The following HINFP variants were observed in gnomAD, a reference collection of about 807,000 sequenced individuals.
HINFP encodes the protein MBD2 (methyl-CpG-binding protein)-interacting zinc finger protein.
A neutral mutation model predicts 50.1 loss-of-function variants in HINFP; 20 were observed. The observed-to-expected ratio is 0.40, with a 90% CI of 0.28 to 0.58. The LOEUF (loss-of-function observed/expected upper bound fraction) is 0.58, where lower values mean the gene tolerates loss of function less well. Ranked by LOEUF, HINFP falls within the 20% of genes least tolerant of loss-of-function variation. The probability of loss-of-function intolerance (pLI) is 0.45; values close to 1 mark genes in which losing one functional copy is unlikely to be tolerated. For missense variants in HINFP, 505 were observed against 664.1 expected (o/e 0.76, Z 2.63); for synonymous variants, 247 against 243.7 (o/e 1.01, Z -0.13).
chr11:119,123,009 G>A (rs1396845485), intron 1 of HINFP, among the ~76,000 whole-genome samples: 3 of 149,776 alleles, frequency 2.0e-5, no homozygotes, highest in African/African-American at 4.9e-5. Flanking sequence ...TATAGTCCCA[G>A]CTATAATACT....
intron 5 of HINFP, 157 bp from the exon 6 acceptor site, chr11:119,132,339 C>A: frequency 2.9e-6 from 2 of 685,248 alleles, no homozygotes; most frequent in Non-Finnish European, 4.9e-6. Flanking sequence ...TTCTCTAAGT[C>A]CCATGCTCTT....
At chr11:119,132,220 G>A in intron 5 of HINFP, 1 of 618,062 alleles carries the variant, frequency 1.6e-6, no homozygotes, top group South Asian at 2.0e-5. Context: ...CATGAGGTAG[G>A]CTTCTTATCC....
chr11:119,130,578 G>A (rs1947695668), intron 2 of HINFP, 147 bp from the exon 3 acceptor site: 1 of 644,886 alleles, frequency 1.6e-6, no homozygotes, highest in Non-Finnish European at 2.7e-6. Flanking sequence ...TTAAATACTG[G>A]TATTTGCTAA....
intron 7 of HINFP, 27 bp downstream of exon 7, chr11:119,132,808 A>T (rs1417358716): frequency 6.2e-7 from 1 of 1,613,830 alleles, no homozygotes; most frequent in Non-Finnish European, 8.5e-7. Flanking sequence ...ACCAGAAAAC[A>T]GCTCATGTTC....
chr11:119,132,642 T>G lies in HINFP; in HGVS notation c.755-19T>G. On this transcript the variant is annotated intron_variant, in intron 6 of 9. Transcript: ENST00000350777. Reference sequence around the variant, plus strand: ...TTCCACAAGTTCTCACATCACAGCCTCCTCTCTGCTTCTCTCAGTGAATCA... The same window carrying G: ...TTCCACAAGTTCTCACATCACAGCCGCCTCTCTGCTTCTCTCAGTGAATCA... 6.2e-7 allele frequency: 1 copy of G among 1,614,038 alleles called. No homozygotes were observed. Among genetic ancestry groups the G allele is most frequent in the Non-Finnish European group, 8.5e-7 (1 of 1,180,002 alleles).
In HINFP at chr11:119,131,221, T is replaced by C; in HGVS notation, c.411+267T>C. 1.6e-6 allele frequency: 1 copy of C among 637,556 alleles called. No individual in the cohort carries two copies. The highest frequency in any genetic ancestry group is 1.6e-5 in the South Asian group (1 of 63,416). 39.5% of individuals were successfully genotyped at this position (637,556 alleles called of 1,614,324 possible). ...CTCCCACCTCAGCCTCCCAAGTAGC[T>C]AGGACTACAGGCATGTACCACCATG... On this transcript the variant is annotated intron_variant, in intron 3 of 9. Transcript: ENST00000350777. The surrounding 1 kb of genome is among the most constrained non-coding windows in gnomAD (Gnocchi z 4.2).
intron 2 of HINFP, chr11:119,127,353 T>C: frequency 2.6e-6 from 1 of 391,368 alleles, no homozygotes; most frequent in Non-Finnish European, 4.6e-6. Context: ...CTGACAGTAC[T>C]TTAGTGAACA....
intron 2 of HINFP, among the ~76,000 whole-genome samples, chr11:119,128,562 A>C (rs887992272): frequency 6.6e-6 from 1 of 150,586 alleles, no homozygotes; most frequent in African/African-American, 2.4e-5. Flanking sequence ...TCCTGACCTC[A>C]GGTGATCCGC....
At position 119,127,206 on chromosome 11, in the gene HINFP, C is replaced by T. The variant is rs956599263; in HGVS notation, c.181+81C>T. 9.3e-6 allele frequency: 11 copies of T among 1,181,452 alleles called. No homozygotes were observed. The Admixed American group carries it at 9.4e-5, about 10-fold the overall frequency. 73.2% of individuals were successfully genotyped at this position (1,181,452 alleles called of 1,614,324 possible). On this transcript the variant is annotated intron_variant, in intron 2 of 9. Transcript: ENST00000350777. ...CTTTCTTTTCCTTAGAGGGAGAAGG[C>T]GGCCTAAGAGAATGGTGGTTTATTT...
In HINFP at chr11:119,133,912, T is replaced by A. The variant is rs1271378311; in HGVS notation, c.1140-172T>A. On this transcript the variant is annotated intron_variant, in intron 9 of 9. Transcript: ENST00000350777. ...TCCATTTTGAGTAATGATCTTTCCC[T>A]CTTGCCTTTTCTTCTACATATTCCA... 5.1e-6 allele frequency: 4 copies of A among 781,646 alleles called. No individual in the cohort carries two copies. In the African/African-American group the frequency reaches 7.0e-5, roughly 14 times the overall value. 48.4% of individuals were successfully genotyped at this position (781,646 alleles called of 1,614,324 possible).
At chr11:119,132,428 C>T in intron 5 of HINFP, 68 bp from the exon 6 acceptor site, 3 of 1,530,872 alleles carry the variant, frequency 2.0e-6, no homozygotes, top group Admixed American at 1.7e-5. Context: ...TGGGATGGTT[C>T]CCCTCTCCTT....
At chr11:119,125,566 A>G (rs1384440058) in intron 1 of HINFP, 1 of 152,170 alleles carries the variant, frequency 6.6e-6, no homozygotes, top group Non-Finnish European at 1.5e-5. Flanking sequence ...GGTCCCAGTT[A>G]CTTGGGAGGC....
At position 119,134,254 on chromosome 11, in the gene HINFP, G is replaced by A; in HGVS notation, c.1310G>A (p.Gly437Glu). Residue 437 changes from glycine (G) to glutamate (E), a missense_variant, in exon 10 of 10, where the codon GGA becomes GAA. Physicochemically the swap from Gly to Glu is moderately conservative, Grantham distance 98 (BLOSUM62 -2). Transcript: ENST00000350777. The surrounding 1 kb of genome is among the most constrained non-coding windows in gnomAD (Gnocchi z 4.3). The stretch of plus-strand genomic sequence containing the variant: ...CTAGAAACAGTGCCAGGGGAGCCAG[G>A]ACGTAAGGAAGAGGAAGAGGAGGGC... ...IILETVPGEPGRKEEEEEGKG... is the reference protein window; with the variant it reads ...IILETVPGEPERKEEEEEGKG... 1 of 1,614,174 alleles carries A rather than the reference G, an allele frequency of 6.2e-7. No individual in the cohort carries two copies. The highest frequency in any genetic ancestry group is 8.5e-7 in the Non-Finnish European group (1 of 1,179,992).
chr11:119,126,970 G>T lies in HINFP; in HGVS notation c.26G>T (p.Arg9Leu). 1 of 1,613,578 alleles carries T rather than the reference G, an allele frequency of 6.2e-7. No individual in the cohort carries two copies. The highest frequency in any genetic ancestry group is 1.1e-5 in the South Asian group (1 of 90,968). ...ATGCCGCCTCCTGGGAAAGTTCCCC[G>T]AAAGGAGAATCTGTGGCTACAGTGT... MPPPGKVP[R>L]KENLWLQCEW... The change falls in exon 2 of 10, where the codon CGA becomes CTA. Residue 9 changes from arginine to leucine, a missense_variant. Coordinates refer to ENST00000350777, the MANE Select transcript of HINFP (RefSeq NM_198971.3).
rs551913347 is a variant in HINFP at position 119,121,650 on chromosome 11, G to A, written c.-11+11G>A. ...TGGAGCCGACAGACGGTAAGCTGGG[G>A]TATGTGCTCTGCAGGGGCTGCAGGA... On this transcript the variant is annotated intron_variant, in intron 1 of 9. Coordinates refer to ENST00000350777, the MANE Select transcript of HINFP (RefSeq NM_198971.3). 1 of 152,686 alleles carries A rather than the reference G, an allele frequency of 6.5e-6. No individual in the cohort carries two copies. Among genetic ancestry groups the A allele is most frequent in the African/African-American group, 2.4e-5 (1 of 41,618 alleles). The allele number at this position is 152,686 out of a possible 1,614,324, so 9.5% of individuals were successfully genotyped here.
Position 119,127,254 on chromosome 11 carries a change from T to G in HINFP, c.181+129T>G, listed in dbSNP as rs762676579. 18 of 741,700 alleles carry G rather than the reference T, an allele frequency of 2.4e-5. No homozygotes were observed. In the Middle Eastern group the frequency reaches 2.5e-3, roughly 101 times the overall value. The allele number at this position is 741,700 out of a possible 1,614,324, so 45.9% of individuals were successfully genotyped here. A position where few individuals can be genotyped will look rare whatever the true frequency, so the allele number is the denominator to read the frequency against. On this transcript the variant is annotated intron_variant, in intron 2 of 9. Transcript: ENST00000350777. ...TTTTCCTAATTGTGTTTTTGTTGTA[T>G]ATAAAAACATTGTAAACTCATTTAT...
intron 1 of HINFP, chr11:119,123,947 A>G (rs1172159291): frequency 1.3e-5 from 2 of 152,020 alleles, no homozygotes; most frequent in African/African-American, 2.4e-5. Context: ...GGCCTCCCAA[A>G]GTGCTGGGAT....
chr11:119,134,593 CT>C lies in HINFP; in HGVS notation c.*98del. 1 of 965,426 alleles carries C rather than the reference CT, an allele frequency of 1.0e-6. No individual in the cohort carries two copies. The highest frequency in any genetic ancestry group is 1.6e-5 in the African/African-American group (1 of 61,038). 59.8% of individuals were successfully genotyped at this position (965,426 alleles called of 1,614,324 possible). ...GTGGGCAGCCGTTGCCAATGGATGC[CT>C]TTAGGAGTGGTGCCGAGAGCAGTGT... On this transcript the variant is annotated 3_prime_UTR_variant, in exon 10 of 10. Coordinates refer to ENST00000350777, the MANE Select transcript of HINFP (RefSeq NM_198971.3). The surrounding 1 kb of genome is among the most constrained non-coding windows in gnomAD (Gnocchi z 4.3).
intron 9 of HINFP, chr11:119,133,820 G>A: frequency 1.8e-6 from 1 of 567,864 alleles, no homozygotes; most frequent in Non-Finnish European, 3.1e-6. Flanking sequence ...TAAATCCTTT[G>A]ACACTTTCAC....
Sources: allele counts gnomAD v4.1 joint callset (sites outside exome capture counted in the v4.1 genomes callset), GRCh38; gene constraint gnomAD v4.1.1; non-coding constraint Gnocchi (gnomAD v3.1); transcripts MANE v1.5; gene names NCBI Gene and HGNC (gene_info 2026-07-23, HGNC 2026-07-21).